The following ZBTB38 variants were observed in gnomAD, a reference collection of about 807,000 sequenced individuals.
The protein encoded by ZBTB38 is zinc finger and BTB domain containing 38.
A neutral mutation model predicts 76.8 loss-of-function variants in ZBTB38; 20 were observed. That is an observed-to-expected ratio of 0.26 (90% CI 0.18 to 0.38). ZBTB38 has a LOEUF of 0.38. Ranked by LOEUF, ZBTB38 falls within the 10% of genes least tolerant of loss-of-function variation. ZBTB38 has a pLI of 1.00. For synonymous variants in ZBTB38, 504 were observed against 544.2 expected (o/e 0.93, Z 1.03); for missense variants, 1,082 against 1,482.3 (o/e 0.73, Z 4.43).
chr3:141,386,462 A>G (rs1015446457), intron 3 of ZBTB38: 10 of 152,262 alleles, frequency 6.6e-5, no homozygotes, highest in African/African-American at 2.4e-4. Flanking sequence ...GCATTTTTCT[A>G]CAAGCCTGCC....
chr3:141,404,412 CT>C (rs1456624169), intron 5 of ZBTB38, among the ~76,000 whole-genome samples: 1 of 152,136 alleles, frequency 6.6e-6, no homozygotes, highest in Non-Finnish European at 1.5e-5. Context: ...AGGACTGGAC[CT>C]TGAATCTTCG....
intron 5 of ZBTB38, among the ~76,000 whole-genome samples, chr3:141,418,315 T>C (rs2074546123): frequency 6.6e-6 from 1 of 152,190 alleles, no homozygotes; most frequent in African/African-American, 2.4e-5. Flanking sequence ...TGTCATTCTA[T>C]TTCATACCTT....
intron 1 of ZBTB38, among the ~76,000 whole-genome samples, chr3:141,359,518 A>G (rs1043093069): frequency 6.6e-6 from 1 of 152,252 alleles, no homozygotes; most frequent in Non-Finnish European, 1.5e-5. Context: ...AGTGTTTGCC[A>G]CAAGAGACAA....
rs993977516 is a variant in ZBTB38, at chr3:141,447,731, G to A, written c.*1755G>A. ...CTGTCTACAAGTGTGATGTCTCCAT[G>A]AAGAAGACTTAGTATGGATTTGGGT... On this transcript the variant is annotated 3_prime_UTR_variant, in exon 6 of 6. Coordinates refer to ENST00000321464, the MANE Select transcript of ZBTB38 (RefSeq NM_001376113.1). 10 of 152,218 alleles carry A rather than the reference G, an allele frequency of 6.6e-5. No individual in the cohort carries two copies. The highest frequency in any genetic ancestry group is 2.4e-4 in the African/African-American group (10 of 41,450). 9.4% of individuals were successfully genotyped at this position (152,218 alleles called of 1,614,324 possible). A position where few individuals can be genotyped will look rare whatever the true frequency, so the allele number is the denominator to read the frequency against.
intron 1 of ZBTB38, among the ~76,000 whole-genome samples, chr3:141,330,213 T>G (rs1056508276): frequency 6.6e-6 from 1 of 152,174 alleles, no homozygotes; most frequent in Non-Finnish European, 1.5e-5. Flanking sequence ...GGAGTGTGTC[T>G]GGTCCAGCTT....
intron 5 of ZBTB38, among the ~76,000 whole-genome samples, chr3:141,417,968 C>T (rs773837101): frequency 7.2e-5 from 11 of 152,078 alleles, no homozygotes; most frequent in East Asian, 1.9e-4. Context: ...GAGCCGAGAT[C>T]GCGCCATTGC....
In ZBTB38 at chr3:141,449,086, C is replaced by T. The variant is rs529583724; in HGVS notation, c.*3110C>T. 6.6e-6 allele frequency: 1 copy of T among 152,194 alleles called. No homozygotes were observed. The highest frequency in any genetic ancestry group is 2.4e-5 in the African/African-American group (1 of 41,448). The allele number at this position is 152,194 out of a possible 1,614,324, so 9.4% of individuals were successfully genotyped here. A position where few individuals can be genotyped will look rare whatever the true frequency, so the allele number is the denominator to read the frequency against. ...TTAACACACACGCACCAGAATTCGA[C>T]CTCATTATCCTCGTTTTATAGTGAC... On this transcript the variant is annotated 3_prime_UTR_variant, in exon 6 of 6. Transcript: ENST00000321464.
intron 1 of ZBTB38, among the ~76,000 whole-genome samples, chr3:141,357,270 C>T (rs1943689676): frequency 6.6e-6 from 1 of 151,878 alleles, no homozygotes; most frequent in African/African-American, 2.4e-5. Context: ...GTTGTTTGTT[C>T]TATTAGCACT....
At chr3:141,404,243 G>A (rs979346891) in intron 5 of ZBTB38, among the ~76,000 whole-genome samples, 4 of 152,184 alleles carry the variant, frequency 2.6e-5, no homozygotes, top group African/African-American at 9.7e-5. Flanking sequence ...TAGGACAGCT[G>A]GTTTCTTGTT....
rs754812418 is a variant in ZBTB38 at position 141,443,788 on chromosome 3, G to A, written c.1400G>A (p.Arg467His). 4 of 1,613,908 alleles carry A rather than the reference G, an allele frequency of 2.5e-6. No homozygotes were observed. The highest frequency in any genetic ancestry group is 3.4e-6 in the Non-Finnish European group (4 of 1,180,026). Residue 467 changes from arginine (R) to histidine (H), a missense_variant, in exon 6 of 6, where the codon CGT (arginine) becomes CAT (histidine). This residue lies in a region of ZBTB38 where 60 missense variants were observed against 126.0 expected (regional missense o/e 0.48). Coordinates refer to ENST00000321464, the MANE Select transcript of ZBTB38 (RefSeq NM_001376113.1). The surrounding 1 kb of genome is among the most constrained non-coding windows in gnomAD (Gnocchi z 5.6). Reference protein sequence around the residue: ...QMLYSCVVCKRSYVTLSSLRR... With the variant: ...QMLYSCVVCKHSYVTLSSLRR... ...CTCTACAGTTGCGTTGTGTGCAAACGTAGTTATGTGACCTTATCTAGCCTC... is the reference window on the plus strand; with the variant it reads ...CTCTACAGTTGCGTTGTGTGCAAACATAGTTATGTGACCTTATCTAGCCTC...
intron 4 of ZBTB38, among the ~76,000 whole-genome samples, chr3:141,398,867 C>A (rs1314007270): frequency 6.6e-6 from 1 of 152,076 alleles, no homozygotes; most frequent in Non-Finnish European, 1.5e-5. Flanking sequence ...TTTTAAAAAA[C>A]CAATTTATTT....
intron 4 of ZBTB38, among the ~76,000 whole-genome samples, chr3:141,393,512 A>G (rs1949500257): frequency 6.6e-6 from 1 of 152,148 alleles, no homozygotes. Flanking sequence ...CAGGGAAAGG[A>G]AGGAACTACA....
At position 141,444,344 on chromosome 3, in the gene ZBTB38, T is replaced by C. The variant is rs1379566486; in HGVS notation, c.1956T>C (p.Gly652=). 1.9e-5 allele frequency: 30 copies of C among 1,614,150 alleles called. No homozygotes were observed. Among genetic ancestry groups the C allele is most frequent in the Non-Finnish European group, 2.2e-5 (26 of 1,180,038 alleles). Reference sequence around the variant, plus strand: ...CTGCCAATGTACAAAATGCAGAGGGTACCAAATGGGGAGAGGAGGCATTGA... The same window carrying C: ...CTGCCAATGTACAAAATGCAGAGGGCACCAAATGGGGAGAGGAGGCATTGA... ...PTSANVQNAE[G]TKWGEEALKM... is the part of the protein sequence containing the mutation. The change falls in exon 6 of 6, where the codon GGT becomes GGC. Residue 652 remains glycine, a synonymous_variant. Transcript: ENST00000321464. This position sits in a 1 kb window ranked among gnomAD's most constrained non-coding sequence, Gnocchi z 5.1.
At chr3:141,360,999 G>A (rs1943807941) in intron 1 of ZBTB38, among the ~76,000 whole-genome samples, 1 of 152,116 alleles carries the variant, frequency 6.6e-6, no homozygotes, top group Non-Finnish European at 1.5e-5. Flanking sequence ...CTGTAAATTT[G>A]TTTTCCAGAA....
At chr3:141,371,287 G>A (rs1215799530) in intron 2 of ZBTB38, among the ~76,000 whole-genome samples, 1 of 151,588 alleles carries the variant, frequency 6.6e-6, no homozygotes. Context: ...TCTTGACCTC[G>A]TGATCTGCCG....
At chr3:141,357,539 G>T (rs1427797351) in intron 1 of ZBTB38, among the ~76,000 whole-genome samples, 1 of 152,064 alleles carries the variant, frequency 6.6e-6, no homozygotes, top group Non-Finnish European at 1.5e-5. Flanking sequence ...TCATTTGTTT[G>T]TTTGTTTCGA....
chr3:141,434,244 G>T (rs559615214), intron 5 of ZBTB38: 1 of 980,288 alleles, frequency 1.0e-6, no homozygotes, highest in Non-Finnish European at 1.2e-6. Context: ...AGGATTGCCA[G>T]GTAGGGGAAC....
chr3:141,426,955 A>G (rs986563189), intron 5 of ZBTB38, among the ~76,000 whole-genome samples: 1 of 151,742 alleles, frequency 6.6e-6, no homozygotes, highest in Admixed American at 6.6e-5. Context: ...TAGGCCAGCA[A>G]TGTCGATTTG....
intron 1 of ZBTB38, among the ~76,000 whole-genome samples, chr3:141,353,513 T>C (rs1449787954): frequency 6.6e-6 from 1 of 151,706 alleles, no homozygotes; most frequent in Non-Finnish European, 1.5e-5. Context: ...TACCTACCAA[T>C]ACAATAGATA....
Sources: allele counts gnomAD v4.1 joint callset (sites outside exome capture counted in the v4.1 genomes callset), GRCh38; gene constraint gnomAD v4.1.1; regional missense constraint gnomAD v4.1.1; non-coding constraint Gnocchi (gnomAD v3.1); transcripts MANE v1.5; gene names NCBI Gene and HGNC (gene_info 2026-07-23, HGNC 2026-07-21).